The following UVSSA variants were observed in gnomAD, a reference collection of about 807,000 sequenced individuals.
The protein encoded by UVSSA is UV-stimulated scaffold protein A.
UVSSA carries 72 observed loss-of-function variants against 73.9 expected under a neutral mutation model. The observed-to-expected ratio is 0.97, with a 90% CI of 0.81 to 1.19. UVSSA has a LOEUF of 1.19. UVSSA is among the 50% of genes most tolerant of loss of function. UVSSA has a pLI of 0.00. For missense variants in UVSSA, 1,150 were observed against 965.0 expected (o/e 1.19, Z -2.54); for synonymous variants, 454 against 391.3 (o/e 1.16, Z -1.89).
At chr4:1,391,988 C>A (rs1038826246), downstream of UVSSA, 1 of 152,158 alleles carries the variant, frequency 6.6e-6, no homozygotes, top group African/African-American at 2.4e-5. Flanking sequence ...ACTATATTGT[C>A]TTTTTTGTCT....
chr4:1,383,819 C>T lies in UVSSA; in HGVS notation c.1915C>T (p.Leu639Phe). Residue 639 changes from leucine (L) to phenylalanine (F), a missense_variant, in exon 13 of 14, where the codon CTC (leucine) becomes TTC (phenylalanine). Coordinates refer to ENST00000389851, the MANE Select transcript of UVSSA (RefSeq NM_020894.4). Reference protein sequence around the residue: ...RDVEAATGQDLGSSRYSGKGR... With the variant: ...RDVEAATGQDFGSSRYSGKGR... ...CGTGGAAGCAGCCACAGGGCAGGAT[C>T]TCGGCTCATCCAGGTACAGCGGGAA... 6.2e-7 allele frequency: 1 copy of T among 1,613,646 alleles called. No individual in the cohort carries two copies. Among genetic ancestry groups the T allele is most frequent in the Non-Finnish European group, 8.5e-7 (1 of 1,180,026 alleles).
intron 4 of UVSSA, among the ~76,000 whole-genome samples, chr4:1,352,091 G>A (rs1560425352): frequency 6.6e-6 from 1 of 152,272 alleles, no homozygotes; most frequent in Non-Finnish European, 1.5e-5. Context: ...AGAGATGCCA[G>A]GCACAGGTGT....
At chr4:1,374,407 C>T (rs1172536280) in intron 8 of UVSSA, among the ~76,000 whole-genome samples, 1 of 152,238 alleles carries the variant, frequency 6.6e-6, no homozygotes, top group African/African-American at 2.4e-5. Flanking sequence ...GTGAGCCCCA[C>T]GGAGCAGCCT....
intron 8 of UVSSA, among the ~76,000 whole-genome samples, chr4:1,368,998 G>T (rs1266624634): frequency 6.6e-6 from 1 of 152,254 alleles, no homozygotes; most frequent in African/African-American, 2.4e-5. Flanking sequence ...GACCTGCCCC[G>T]GTGGAGGGGA....
chr4:1,362,869 C>T (rs182876595), intron 7 of UVSSA, among the ~76,000 whole-genome samples: 72 of 152,314 alleles, frequency 4.7e-4, no homozygotes, highest in Admixed American at 1.5e-3. Context: ...TCCTGTCCTC[C>T]GAACAGGCCT....
intron 10 of UVSSA, 81 bp downstream of exon 10, chr4:1,376,249 C>A: frequency 6.7e-7 from 1 of 1,483,484 alleles, no homozygotes; most frequent in Non-Finnish European, 9.0e-7. Context: ...GCTCACCAGG[C>A]CTCCCTGGGT....
chr4:1,375,707 G>A (rs528058260), intron 9 of UVSSA, among the ~76,000 whole-genome samples, 199 bp downstream of exon 9: 7 of 152,346 alleles, frequency 4.6e-5, no homozygotes, highest in South Asian at 2.1e-4. Context: ...GCTGGAGCCC[G>A]GGTGGGACTG....
downstream of UVSSA, chr4:1,388,498 T>C (rs1720313792): frequency 6.6e-6 from 1 of 152,238 alleles, no homozygotes; most frequent in South Asian, 2.1e-4. Context: ...CAGGACAATG[T>C]TGAATAGATG....
chr4:1,352,166 T>C (rs1212823418), intron 4 of UVSSA, among the ~76,000 whole-genome samples: 1 of 152,222 alleles, frequency 6.6e-6, no homozygotes. Context: ...ATTTTGTGGC[T>C]GTCTTGCCCT....
In UVSSA at chr4:1,376,112, C is replaced by A; in HGVS notation, c.1512C>A (p.Tyr504Ter). The change falls in exon 10 of 14, where the codon TAC (tyrosine) becomes TAA (stop). Residue 504 changes from tyrosine to a stop codon, truncating the protein, a stop_gained. Coordinates refer to ENST00000389851, the MANE Select transcript of UVSSA (RefSeq NM_020894.4). LOFTEE classifies it high-confidence loss of function. ...GGGCCCGGGCGCCTGTGGTGCCCTA[C>A]GGCGTGGACCTGCACTACTGGGGCC... ...AERARAPVVP[Y>*]GVDLHYWGQE... The A allele has an allele frequency of 6.2e-7, 1 of 1,607,874 alleles. No individual in the cohort carries two copies. The highest frequency in any genetic ancestry group is 8.5e-7 in the Non-Finnish European group (1 of 1,177,762).
At chr4:1,358,615 C>T (rs1716150521) in intron 7 of UVSSA, 3 of 152,302 alleles carry the variant, frequency 2.0e-5, no homozygotes, top group South Asian at 4.1e-4. Context: ...AGTATCTGCC[C>T]ATCTCCCTCC....
At chr4:1,374,547 T>C (rs1264160573) in intron 8 of UVSSA, among the ~76,000 whole-genome samples, 1 of 152,190 alleles carries the variant, frequency 6.6e-6, no homozygotes, top group Non-Finnish European at 1.5e-5. Context: ...CAGGGGCTGG[T>C]GGCCTCGTCC....
intron 7 of UVSSA, 124 bp downstream of exon 7, chr4:1,355,369 C>T: frequency 1.1e-6 from 1 of 952,016 alleles, no homozygotes. Context: ...CAAGCCCACT[C>T]AGCCTCAGCA....
At chr4:1,383,373 A>G (rs1719723969) in intron 12 of UVSSA, among the ~76,000 whole-genome samples, 1 of 152,118 alleles carries the variant, frequency 6.6e-6, no homozygotes, top group South Asian at 2.1e-4. Flanking sequence ...TGCAGGCAGG[A>G]AAGGAGCTTG....
At chr4:1,346,806 G>C (rs1031066526), upstream of UVSSA, among the ~76,000 whole-genome samples, 3 of 152,028 alleles carry the variant, frequency 2.0e-5, no homozygotes, top group African/African-American at 7.2e-5. Context: ...CAGTTTCCCG[G>C]CCGGCCCCGC....
intron 9 of UVSSA, 64 bp from the exon 10 acceptor site, chr4:1,375,970 G>T (rs1718713384): frequency 8.4e-6 from 13 of 1,550,212 alleles, no homozygotes; most frequent in Non-Finnish European, 1.1e-5. Flanking sequence ...GGTGGGGAGG[G>T]AGAGGAGGGT....
At chr4:1,359,030 G>A (rs1299375897) in intron 7 of UVSSA, 1 of 152,230 alleles carries the variant, frequency 6.6e-6, no homozygotes, top group Non-Finnish European at 1.5e-5. Context: ...CAGCCACCCG[G>A]GAGCAGACAC....
intron 10 of UVSSA, among the ~76,000 whole-genome samples, chr4:1,378,755 C>G (rs1344577043): frequency 5.3e-5 from 8 of 152,212 alleles, no homozygotes; most frequent in Non-Finnish European, 1.2e-4. Context: ...TTGGGTGCAG[C>G]AGGAAGCATT....
chr4:1,383,532 C>T (rs982695133), intron 12 of UVSSA, among the ~76,000 whole-genome samples: 2 of 152,176 alleles, frequency 1.3e-5, no homozygotes, highest in African/African-American at 2.4e-5. Context: ...TGGGGGCAAG[C>T]TCTGTGTCAC....
Sources: allele counts gnomAD v4.1 joint callset (sites outside exome capture counted in the v4.1 genomes callset), GRCh38; gene constraint gnomAD v4.1.1; transcripts MANE v1.5; gene names NCBI Gene and HGNC (gene_info 2026-07-23, HGNC 2026-07-21).